Variants in GPC6 observed in about 807,000 individuals in gnomAD.
The protein encoded by GPC6 is glypican 6.
Under a neutral mutation model 55.2 loss-of-function variants are expected in GPC6, and 14 were observed. The observed-to-expected ratio is 0.25, with a 90% CI of 0.17 to 0.40. The LOEUF (loss-of-function observed/expected upper bound fraction) is 0.40, where lower values mean the gene tolerates loss of function less well. Ranked by LOEUF, GPC6 falls within the 10% of genes least tolerant of loss-of-function variation. The probability of loss-of-function intolerance (pLI) is 1.00; values close to 1 mark genes in which losing one functional copy is unlikely to be tolerated. For synonymous variants in GPC6, 278 were observed against 259.6 expected (o/e 1.07, Z -0.68); for missense variants, 641 against 708.5 (o/e 0.90, Z 1.08).
chr13:93,817,868 GTATA>G (rs1886909622), intron 2 of GPC6, among the ~76,000 whole-genome samples: 1 of 90,432 alleles, frequency 1.1e-5, no homozygotes, highest in East Asian at 3.8e-4. Flanking sequence ...AAAAAATAAT[GTATA>G]GATAGATAGA....
rs769111826 is a variant in GPC6, at chr13:94,403,298, T to C, written c.*81T>C. The C allele has an allele frequency of 1.3e-4, 129 of 995,344 alleles. No homozygotes were observed. Among genetic ancestry groups the C allele is most frequent in the Non-Finnish European group, 1.9e-4 (124 of 641,550 alleles). The allele number at this position is 995,344 out of a possible 1,614,324, so 61.7% of individuals were successfully genotyped here. Reference sequence around the variant, plus strand: ...CTTCTTTTCTTACACTCTTGGACAATGGACCATGCCACAAAAACTTACCGT... The same window carrying C: ...CTTCTTTTCTTACACTCTTGGACAACGGACCATGCCACAAAAACTTACCGT... On this transcript the variant is annotated 3_prime_UTR_variant, in exon 9 of 9. Coordinates refer to ENST00000377047, the MANE Select transcript of GPC6 (RefSeq NM_005708.5).
rs1881379162 is a variant in GPC6 at position 94,406,602 on chromosome 13, T to C, written c.*3385T>C. The C allele has an allele frequency of 1.3e-5, 2 of 152,172 alleles. 1 individual carries two copies. The highest frequency in any genetic ancestry group is 4.1e-4 in the South Asian group (2 of 4,832). The allele number at this position is 152,172 out of a possible 1,614,324, so 9.4% of individuals were successfully genotyped here. Reference sequence around the variant, plus strand: ...TAATAATTATAAAAGTAACATTCTTTAAAGCAAACACATTGAAAATATTAT... The same window carrying C: ...TAATAATTATAAAAGTAACATTCTTCAAAGCAAACACATTGAAAATATTAT... On this transcript the variant is annotated 3_prime_UTR_variant, in exon 9 of 9. Transcript: ENST00000377047.
rs576140096 is a variant in GPC6 at position 94,193,776 on chromosome 13, C to T, written c.878-92573C>T. ...GTGAAAGTTCTTTAAATCTAGACCC[C>T]TTATCTCTTTCATGGTTTTCAGCAG... On this transcript the variant is annotated intron_variant, in intron 4 of 8. Coordinates refer to ENST00000377047, the MANE Select transcript of GPC6 (RefSeq NM_005708.5). 5.3e-5 allele frequency among the ~76,000 whole-genome samples: 8 copies of T among 152,266 alleles called. No individual in the cohort carries two copies. In the East Asian group the frequency reaches 1.4e-3, roughly 26 times the overall value.
intron 3 of GPC6, among the ~76,000 whole-genome samples, chr13:93,973,861 A>G (rs995528023): frequency 1.1e-4 from 17 of 152,176 alleles, no homozygotes; most frequent in African/African-American, 4.1e-4. Context: ...ATGATCTAAA[A>G]AAGACAGAGA....
intron 4 of GPC6, among the ~76,000 whole-genome samples, chr13:94,191,974 CATT>C (rs1203915044): frequency 2.6e-5 from 4 of 152,134 alleles, no homozygotes; most frequent in Non-Finnish European, 5.9e-5. Flanking sequence ...GAAGACCTCT[CATT>C]AGCACAAAAA....
chr13:93,812,554 C>T (rs1886731233), intron 2 of GPC6, among the ~76,000 whole-genome samples: 1 of 152,072 alleles, frequency 6.6e-6, no homozygotes, highest in Non-Finnish European at 1.5e-5. Context: ...TAACACATTC[C>T]ACCTGCTTTT....
chr13:93,514,724 G>A (rs75789459), intron 1 of GPC6, among the ~76,000 whole-genome samples: 3,555 of 152,170 alleles, frequency 0.023, 61 homozygotes, highest in Middle Eastern at 0.041. Flanking sequence ...TTTCCAGATG[G>A]AGGCTTTAAA....
chr13:94,301,377 A>G (rs992903187), intron 5 of GPC6, among the ~76,000 whole-genome samples: 1 of 152,118 alleles, frequency 6.6e-6, no homozygotes, highest in Admixed American at 6.5e-5. Context: ...AGTCTGGGCA[A>G]CGGAGTGAGA....
intron 2 of GPC6, among the ~76,000 whole-genome samples, chr13:93,772,213 T>C (rs1053502029): frequency 6.6e-6 from 1 of 152,200 alleles, no homozygotes; most frequent in Non-Finnish European, 1.5e-5. Context: ...TAGGATGATT[T>C]ATTGCTTCTG....
At chr13:94,003,498 G>A (rs1407160977) in intron 3 of GPC6, among the ~76,000 whole-genome samples, 1 of 152,058 alleles carries the variant, frequency 6.6e-6, no homozygotes, top group Non-Finnish European at 1.5e-5. Context: ...TAAGCAAAAA[G>A]GTTAAAATGC....
rs111385285 is a variant in GPC6, at chr13:93,421,027, G to T, written c.161-124236G>T. ...CCCAAGGGAAGCACGAGTGCAAAGG[G>T]CCTAAGATGAGAGCACGCCAGGCAT... On this transcript the variant is annotated intron_variant, in intron 1 of 8. Coordinates refer to ENST00000377047, the MANE Select transcript of GPC6 (RefSeq NM_005708.5). Among the ~76,000 whole-genome samples the T allele has an allele frequency of 2.3e-3, 353 of 152,182 alleles. 2 individuals carry two copies. The highest frequency in any genetic ancestry group is 8.3e-3 in the African/African-American group (346 of 41,522).
At chr13:93,603,002 TTTTC>T (rs1003795023) in intron 2 of GPC6, among the ~76,000 whole-genome samples, 2 of 144,470 alleles carry the variant, frequency 1.4e-5, no homozygotes, top group Admixed American at 6.9e-5. Flanking sequence ...TCTTTTTTCT[TTTTC>T]TTTCTTTCTT....
chr13:93,742,036 A>G (rs1884222400), intron 2 of GPC6, among the ~76,000 whole-genome samples: 2 of 152,218 alleles, frequency 1.3e-5, no homozygotes, highest in Non-Finnish European at 1.5e-5. Flanking sequence ...TTGATTAGCC[A>G]TATCCTGTGT....
At chr13:93,855,518 G>A (rs947782071) in intron 3 of GPC6, among the ~76,000 whole-genome samples, 4 of 151,720 alleles carry the variant, frequency 2.6e-5, no homozygotes, top group Admixed American at 6.6e-5. Context: ...GTGTGGATAT[G>A]TTTTCAGTTC....
chr13:94,319,789 C>G (rs561376205), intron 6 of GPC6, among the ~76,000 whole-genome samples: 2 of 152,252 alleles, frequency 1.3e-5, no homozygotes, highest in South Asian at 4.1e-4. Context: ...TATTTTCTTT[C>G]AAGCTGCTTT....
intron 3 of GPC6, among the ~76,000 whole-genome samples, chr13:93,986,029 T>A (rs1594643545): frequency 1.3e-5 from 2 of 152,250 alleles, no homozygotes; most frequent in East Asian, 3.9e-4. Flanking sequence ...ATATTTTTTG[T>A]TACCGGATAG....
chr13:93,911,817 T>G (rs541644886), intron 3 of GPC6, among the ~76,000 whole-genome samples: 99 of 152,330 alleles, frequency 6.5e-4, no homozygotes, highest in Non-Finnish European at 1.1e-3. Context: ...TCTAGCTTAT[T>G]AACTGGTTGG....
intron 1 of GPC6, among the ~76,000 whole-genome samples, chr13:93,482,964 G>T (rs1410227217): frequency 6.6e-6 from 1 of 152,098 alleles, no homozygotes; most frequent in Non-Finnish European, 1.5e-5. Context: ...AGAGTGCATA[G>T]CTGGTTTTCC....
intron 1 of GPC6, among the ~76,000 whole-genome samples, chr13:93,427,600 A>G (rs930152191): frequency 6.6e-6 from 1 of 152,194 alleles, no homozygotes; most frequent in East Asian, 1.9e-4. Flanking sequence ...TTCACTTGCT[A>G]TCAATAAATT....
Sources: gnomAD v4.1 joint callset for allele counts (sites outside exome capture counted in the v4.1 genomes callset) on GRCh38, gnomAD v4.1.1 for gene constraint, MANE v1.5 for transcripts, NCBI Gene and HGNC (gene_info 2026-07-23, HGNC 2026-07-21) for gene names.